The following CAST variants were observed in gnomAD, a reference collection of about 807,000 sequenced individuals.
CAST encodes the protein MIR583 host.
CAST carries 76 observed loss-of-function variants against 119.6 expected under a neutral mutation model. The observed-to-expected ratio is 0.64, with a 90% CI of 0.53 to 0.77. The LOEUF is 0.77. CAST is among the 30% of genes least tolerant of loss of function. The probability of loss-of-function intolerance (pLI) is 0.00; values close to 1 mark genes in which losing one functional copy is unlikely to be tolerated. For missense variants in CAST, 953 were observed against 946.5 expected, an observed-to-expected ratio of 1.01 and a Z score of -0.09; for synonymous variants, 319 against 331.6, an observed-to-expected ratio of 0.96 and a Z score of 0.41.
In CAST at chr5:96,618,218, GC is replaced by G. The variant is rs144359784; in HGVS notation, c.61-57318del. Among the ~76,000 whole-genome samples, 820 of 152,356 alleles carry G rather than the reference GC, an allele frequency of 5.4e-3. 6 individuals are homozygous for G. Among genetic ancestry groups the G allele is most frequent in the African/African-American group, 0.018 (766 of 41,582 alleles). On this transcript the variant is annotated intron_variant, in intron 1 of 11. Coordinates refer to the CAST transcript ENST00000505143. ...CTTAGGATATTCTTGAGAGTCCTTT[GC>G]CCTCCTGGGAGATCTATCTGAGCTC...
chr5:96,111,517 C>G, the CAST span, among the ~76,000 whole-genome samples: 1 of 152,208 alleles, frequency 6.6e-6, no homozygotes, highest in Non-Finnish European at 1.5e-5. Context: ...CAGTTGGTTC[C>G]TCTGGTAACC....
At chr5:96,525,496 TAAA>T (rs1443141974), upstream of CAST, 12 of 152,218 alleles carry the variant, frequency 7.9e-5, no homozygotes, top group African/African-American at 2.7e-4. Flanking sequence ...AGCTGAGTCA[TAAA>T]AACCAGTTCC....
chr5:96,544,484 T>C (rs1195245406), intron 1 of CAST, among the ~76,000 whole-genome samples: 2 of 152,180 alleles, frequency 1.3e-5, no homozygotes, highest in African/African-American at 4.8e-5. Flanking sequence ...ATTTTTTATA[T>C]AGATGATCAT....
chr5:96,416,221 C>T, the CAST span: 40 of 822,368 alleles, frequency 4.9e-5, no homozygotes, highest in African/African-American at 1.5e-4. Flanking sequence ...AACTTTTTGT[C>T]GGCCTTGTTA....
chr5:96,587,180 A>G (rs1746874738), intron 1 of CAST, among the ~76,000 whole-genome samples: 1 of 152,228 alleles, frequency 6.6e-6, no homozygotes, highest in Non-Finnish European at 1.5e-5. Context: ...TCAGCTAGAA[A>G]GGTTTGTACA....
chr5:96,370,035 A>G, the CAST span, among the ~76,000 whole-genome samples: 1 of 152,102 alleles, frequency 6.6e-6, no homozygotes, highest in East Asian at 1.9e-4. Flanking sequence ...CAAAATGGAA[A>G]TCTCTTACAT....
At chr5:96,064,484 C>T in the CAST span, among the ~76,000 whole-genome samples, 2 of 109,708 alleles carry the variant, frequency 1.8e-5, no homozygotes, top group Non-Finnish European at 4.6e-5. Context: ...TAATTGCAGC[C>T]CTCATAAAGA....
the CAST span, among the ~76,000 whole-genome samples, chr5:96,469,876 TATAA>T: frequency 1.0e-5 from 1 of 100,136 alleles, no homozygotes; most frequent in Non-Finnish European, 1.9e-5. Context: ...TATATATATA[TATAA>T]TATATATATA....
chr5:96,770,682 C>G (rs1458124893), intron 30 of CAST, 80 bp downstream of exon 30: 2 of 932,690 alleles, frequency 2.1e-6, no homozygotes, highest in African/African-American at 1.6e-5. Context: ...CATTTAGTTT[C>G]CTACTGGAAT....
Position 96,737,954 on chromosome 5 carries a change from G to T in CAST, c.798+7G>T. The T allele has an allele frequency of 6.8e-7, 1 of 1,476,964 alleles. No homozygotes were observed. The highest frequency in any genetic ancestry group is 1.1e-5 in the South Asian group (1 of 87,730). 91.5% of individuals were successfully genotyped at this position (1,476,964 alleles called of 1,614,324 possible). A position where few individuals can be genotyped will look rare whatever the true frequency, so the allele number is the denominator to read the frequency against. On this transcript the variant is annotated splice_region_variant and intron_variant, in intron 11 of 31. Coordinates refer to ENST00000675179, the MANE Select transcript of CAST (RefSeq NM_001750.7). ...TACTGGACCAGAAGTTTCAGTATGT[G>T]ATCATGATATCTGTAAAAATTCATA... is the stretch of plus-strand genomic sequence containing the variant.
At chr5:96,051,321 G>A in the CAST span, among the ~76,000 whole-genome samples, 9 of 152,106 alleles carry the variant, frequency 5.9e-5, no homozygotes, top group Admixed American at 5.2e-4. Context: ...TGATGTTGGT[G>A]TAGATCTATA....
At chr5:96,656,778 A>G (rs925863550) in intron 1 of CAST, among the ~76,000 whole-genome samples, 3 of 152,156 alleles carry the variant, frequency 2.0e-5, no homozygotes, top group African/African-American at 7.2e-5. Flanking sequence ...CCAAAGGAGG[A>G]ACAGGGGTGA....
chr5:96,161,745 T>G, the CAST span, among the ~76,000 whole-genome samples: 2 of 152,222 alleles, frequency 1.3e-5, no homozygotes, highest in Non-Finnish European at 2.9e-5. Context: ...TTCTGATCTA[T>G]GAACATAGGA....
At chr5:96,010,963 C>T in the CAST span, among the ~76,000 whole-genome samples, 1 of 152,168 alleles carries the variant, frequency 6.6e-6, no homozygotes, top group Non-Finnish European at 1.5e-5. Flanking sequence ...TATCCTGAAA[C>T]TTTACTGAAG....
the CAST span, among the ~76,000 whole-genome samples, chr5:96,159,340 G>A: frequency 6.6e-6 from 1 of 152,168 alleles, no homozygotes; most frequent in Non-Finnish European, 1.5e-5. Flanking sequence ...TACCTGTGGG[G>A]ACAGTAGGTG....
chr5:96,356,085 C>G, the CAST span, among the ~76,000 whole-genome samples: 8 of 152,104 alleles, frequency 5.3e-5, no homozygotes, highest in Admixed American at 5.2e-4. Flanking sequence ...CTTTAATGAC[C>G]AGTGATTATT....
chr5:96,226,772 A>G, the CAST span, among the ~76,000 whole-genome samples: 1 of 152,110 alleles, frequency 6.6e-6, no homozygotes, highest in African/African-American at 2.4e-5. Context: ...TTTCTCCCCC[A>G]CTTGTTCTAC....
chr5:96,162,491 C>T, the CAST span, among the ~76,000 whole-genome samples: 1 of 152,158 alleles, frequency 6.6e-6, no homozygotes, highest in Non-Finnish European at 1.5e-5. Context: ...GATCTTGGCT[C>T]ACTGCAACTT....
At chr5:96,077,410 C>A in the CAST span, among the ~76,000 whole-genome samples, 2 of 152,024 alleles carry the variant, frequency 1.3e-5, no homozygotes, top group South Asian at 4.1e-4. Flanking sequence ...ATTTGCATTT[C>A]TTTGATTATT....
Sources: gnomAD v4.1 joint callset for allele counts (sites outside exome capture counted in the v4.1 genomes callset) on GRCh38, gnomAD v4.1.1 for gene constraint, MANE v1.5 for transcripts, NCBI Gene and HGNC (gene_info 2026-07-23, HGNC 2026-07-21) for gene names.